The following COL27A1 variants were observed in gnomAD, a reference collection of about 807,000 sequenced individuals.
COL27A1 encodes the protein collagen alpha-1(XXVII) chain.
Under a neutral mutation model 251.3 loss-of-function variants are expected in COL27A1, and 106 were observed. The observed-to-expected ratio is 0.42, with a 90% CI of 0.36 to 0.50. The LOEUF is 0.50. Among genes scored for constraint, COL27A1 ranks in the 20% least tolerant of loss-of-function variants. The pLI is 0.00. For synonymous variants in COL27A1, 1,000 were observed against 986.3 expected, an observed-to-expected ratio of 1.01 and a Z score of -0.26; for missense variants, 2,325 against 2,522.8, an observed-to-expected ratio of 0.92 and a Z score of 1.68.
Position 114,169,121 on chromosome 9 carries a change from C to T in COL27A1, c.1566C>T (p.Ala522=), listed in dbSNP as rs145560419. 72 of 1,614,028 alleles carry T rather than the reference C, an allele frequency of 4.5e-5. No individual in the cohort carries two copies. Among genetic ancestry groups the T allele is most frequent in the African/African-American group, 4.0e-4 (30 of 74,920 alleles). The change falls in exon 3 of 61, where the codon GCC becomes GCT. Residue 522 remains alanine, a synonymous_variant. Coordinates refer to ENST00000356083, the MANE Select transcript of COL27A1 (RefSeq NM_032888.4). ...CCAGCACTCCCAGAACAGCACCTGC[C>T]GTCCCCACTCCTGGCTCAGCTCCCA... The part of the protein sequence containing the change: ...SGTSTPRTAP[A]VPTPGSAPTG...
At position 114,168,320 on chromosome 9, in the gene COL27A1, C is replaced by T; in HGVS notation, c.765C>T (p.Gly255=). ...GACCTCTCTTCTCCCAAGACTCTGG[C>T]AGACCTTTTACCTTCCAGTCCGACC... ...PLGPLFSQDS[G]RPFTFQSDLA... is the part of the protein sequence containing the mutation. Residue 255 remains glycine, a synonymous_variant, in exon 3 of 61, where the codon GGC becomes GGT. Transcript: ENST00000356083. 1 of 1,613,338 alleles carries T rather than the reference C, an allele frequency of 6.2e-7. No homozygotes were observed. The highest frequency in any genetic ancestry group is 8.5e-7 in the Non-Finnish European group (1 of 1,180,024).
intron 32 of COL27A1, 71 bp downstream of exon 32, chr9:114,265,546 A>G (rs1453413886): frequency 6.7e-7 from 1 of 1,501,256 alleles, no homozygotes; most frequent in Admixed American, 1.7e-5. Context: ...AGGTGGTCAG[A>G]TAAGGAGAAG....
chr9:114,295,132 A>G (rs1828175274), intron 49 of COL27A1, among the ~76,000 whole-genome samples: 1 of 152,274 alleles, frequency 6.6e-6, no homozygotes, highest in South Asian at 2.1e-4. Context: ...AATGAATTGC[A>G]TTTCTATACA....
intron 5 of COL27A1, among the ~76,000 whole-genome samples, chr9:114,186,177 C>T (rs1828324749): frequency 6.6e-6 from 1 of 152,280 alleles, no homozygotes; most frequent in South Asian, 2.1e-4. Flanking sequence ...CTTTGCCTAT[C>T]TGCCAGCTAC....
chr9:114,216,538 G>A (rs576345215), intron 12 of COL27A1, among the ~76,000 whole-genome samples: 1 of 152,330 alleles, frequency 6.6e-6, no homozygotes, highest in South Asian at 2.1e-4. Flanking sequence ...GATGAGGCAA[G>A]GTAGTGGGTG....
rs749589582 is a variant in COL27A1 at position 114,265,052 on chromosome 9, A to G, written c.3295-14A>G. 6.2e-7 allele frequency: 1 copy of G among 1,607,102 alleles called. No individual in the cohort carries two copies. Among genetic ancestry groups the G allele is most frequent in the Non-Finnish European group, 8.5e-7 (1 of 1,176,216 alleles). Reference sequence around the variant, plus strand: ...GTGATCTGAGCCTGTAATGACCCCCACATGTGCTTCCAGGGTGTGGCTGGT... The same window carrying G: ...GTGATCTGAGCCTGTAATGACCCCCGCATGTGCTTCCAGGGTGTGGCTGGT... On this transcript the variant is annotated splice_polypyrimidine_tract_variant and intron_variant, in intron 30 of 60. Coordinates refer to ENST00000356083, the MANE Select transcript of COL27A1 (RefSeq NM_032888.4).
In COL27A1 at chr9:114,282,539, G is replaced by T; in HGVS notation, c.3854G>T (p.Gly1285Val). ...PGPPGTPGPK[G>V]SRGSLGPTGA... is the part of the protein sequence containing the mutation. ...CCCCCTGGCACTCCAGGCCCTAAAGGGTCCCGGGGCAGCCTGGGACCAACG... is the reference window on the plus strand; with the variant it reads ...CCCCCTGGCACTCCAGGCCCTAAAGTGTCCCGGGGCAGCCTGGGACCAACG... The change falls in exon 39 of 61, where the codon GGG (glycine) becomes GTG (valine). Residue 1285 changes from glycine (G) to valine (V), a missense_variant. Transcript: ENST00000356083. 6.5e-7 allele frequency: 1 copy of T among 1,541,684 alleles called. No homozygotes were observed. The highest frequency in any genetic ancestry group is 8.7e-7 in the Non-Finnish European group (1 of 1,147,626).
chr9:114,235,216 C>T (rs1832288827), intron 16 of COL27A1, among the ~76,000 whole-genome samples: 1 of 152,162 alleles, frequency 6.6e-6, no homozygotes, highest in South Asian at 2.1e-4. Flanking sequence ...GGTGTGGGGG[C>T]CCTTGCACAC....
chr9:114,217,493 G>A (rs1830784848), intron 12 of COL27A1, among the ~76,000 whole-genome samples: 1 of 152,228 alleles, frequency 6.6e-6, no homozygotes, highest in Non-Finnish European at 1.5e-5. Context: ...GCTGCTGTAT[G>A]TGAATATATT....
chr9:114,302,072 T>A lies in COL27A1; in HGVS notation c.4846-10T>A. The A allele has an allele frequency of 6.2e-7, 1 of 1,611,868 alleles. No individual in the cohort carries two copies. Reference sequence around the variant, plus strand: ...CTGTCATTTGACTGACCCGCAGTCTTCTTTTGCAGGGTCCTCCAGGGGGTC... The same window carrying A: ...CTGTCATTTGACTGACCCGCAGTCTACTTTTGCAGGGTCCTCCAGGGGGTC... On this transcript the variant is annotated splice_polypyrimidine_tract_variant and intron_variant, in intron 55 of 60. Coordinates refer to ENST00000356083, the MANE Select transcript of COL27A1 (RefSeq NM_032888.4).
chr9:114,256,361 C>T lies in COL27A1; in HGVS notation c.3142-2180C>T, dbSNP rs112332227. Among the ~76,000 whole-genome samples the T allele has an allele frequency of 3.3e-3, 509 of 152,246 alleles. 1 individual carries two copies. The highest frequency in any genetic ancestry group is 0.012 in the African/African-American group (485 of 41,532). ...GAAAAAAATTAGCCGGGCATGGCGG[C>T]GGGCACCTGTAGTCCCAGCTACTCG... On this transcript the variant is annotated intron_variant, in intron 27 of 60. Coordinates refer to ENST00000356083, the MANE Select transcript of COL27A1 (RefSeq NM_032888.4).
chr9:114,173,434 T>G (rs1357398760), intron 3 of COL27A1, among the ~76,000 whole-genome samples: 1 of 152,222 alleles, frequency 6.6e-6, no homozygotes. Context: ...TACCCAGAAC[T>G]CTCCTGCCAG....
In COL27A1 at chr9:114,301,086, C is replaced by G. The variant is rs770374638; in HGVS notation, c.4716C>G (p.Ile1572Met). 5 of 1,611,862 alleles carry G rather than the reference C, an allele frequency of 3.1e-6. No individual in the cohort carries two copies. The highest frequency in any genetic ancestry group is 1.7e-6 in the Non-Finnish European group (2 of 1,178,860). ...GTCTCCTTTAGGGAAAGGAAGGCATCGTCGGGCCCCTCGGAATCCTGGGAC... is the reference window on the plus strand; with the variant it reads ...GTCTCCTTTAGGGAAAGGAAGGCATGGTCGGGCCCCTCGGAATCCTGGGAC... The part of the protein sequence containing the change: ...GPPGLMGKEG[I>M]VGPLGILGPS... The change falls in exon 52 of 61, where the codon ATC becomes ATG. Residue 1572 changes from isoleucine to methionine, a missense_variant. Physicochemically the swap from Ile to Met is conservative, Grantham distance 10. Coordinates refer to ENST00000356083, the MANE Select transcript of COL27A1 (RefSeq NM_032888.4).
At chr9:114,265,513 G>T (rs375476004) in intron 32 of COL27A1, 38 bp downstream of exon 32, 1 of 1,601,000 alleles carries the variant, frequency 6.2e-7, no homozygotes, top group Non-Finnish European at 8.6e-7. Flanking sequence ...CTTCTTTGCC[G>T]CTGGCACCTG....
intron 17 of COL27A1, 77 bp from the exon 18 acceptor site, chr9:114,236,904 A>G: frequency 7.3e-7 from 1 of 1,374,068 alleles, no homozygotes; most frequent in Non-Finnish European, 1.0e-6. Context: ...GCCTGGGACC[A>G]GCAGGAGGAC....
chr9:114,194,534 T>G, intron 6 of COL27A1, 77 bp downstream of exon 6: 56 of 1,199,290 alleles, frequency 4.7e-5, no homozygotes, highest in Non-Finnish European at 6.2e-5. Flanking sequence ...TAAAGCTAGC[T>G]GTCCTGCCAG....
chr9:114,195,106 A>G (rs1244634514), intron 6 of COL27A1, among the ~76,000 whole-genome samples: 1 of 152,156 alleles, frequency 6.6e-6, no homozygotes, highest in East Asian at 1.9e-4. Context: ...TCTTCCAGGC[A>G]CACACACCCT....
chr9:114,300,035 C>A (rs555494787), intron 49 of COL27A1, 35 bp from the exon 50 acceptor site: 6 of 1,611,792 alleles, frequency 3.7e-6, no homozygotes, highest in South Asian at 3.3e-5. Flanking sequence ...TGACCATGAG[C>A]TCACTCGCTC....
intron 3 of COL27A1, 150 bp downstream of exon 3, chr9:114,169,613 C>T (rs192246124): frequency 3.0e-5 from 17 of 568,348 alleles, no homozygotes; most frequent in South Asian, 7.5e-5. Flanking sequence ...GCCAGGCCCC[C>T]GGCTCCTCTG....
Sources: gnomAD v4.1 joint callset for allele counts (sites outside exome capture counted in the v4.1 genomes callset) on GRCh38, gnomAD v4.1.1 for gene constraint, MANE v1.5 for transcripts, NCBI Gene and HGNC (gene_info 2026-07-23, HGNC 2026-07-21) for gene names.